Variants in NPHS1 observed in about 807,000 individuals in gnomAD.
The protein encoded by NPHS1 is nephrin.
NPHS1 carries 107 observed loss-of-function variants against 139.7 expected under a neutral mutation model. The observed-to-expected ratio is 0.77, with a 90% confidence interval of 0.66 to 0.90. The LOEUF (loss-of-function observed/expected upper bound fraction) is 0.90. Among genes scored for constraint, NPHS1 ranks in the 40% least tolerant of loss-of-function variants. The probability of loss-of-function intolerance (pLI) is 0.00; values close to 1 mark genes in which losing one functional copy is unlikely to be tolerated. For missense variants in NPHS1, 1,580 were observed against 1,654.2 expected (o/e 0.96, Z 0.78); for synonymous variants, 707 against 706.6 (o/e 1.00, Z -0.01).
chr19:35,837,026 A>AAAAGAAAG (rs201666209), intron 22 of NPHS1, among the ~76,000 whole-genome samples: 11,406 of 131,666 alleles, frequency 0.087, 537 homozygotes, highest in Non-Finnish European at 0.1. Flanking sequence ...AAAAGAAAAG[A>AAAAGAAAG]AAAGAAAGAA....
chr19:35,847,456 G>C (rs1031049882), intron 11 of NPHS1, among the ~76,000 whole-genome samples: 10 of 141,452 alleles, frequency 7.1e-5, no homozygotes, highest in Non-Finnish European at 1.5e-4. Flanking sequence ...CCGGATTCAA[G>C]CAATTCTCCA....
At position 35,844,172 on chromosome 19, in the gene NPHS1, C is replaced by G; in HGVS notation, c.2143G>C (p.Gly715Arg). Reference protein sequence around the residue: ...HLWNVTRADDGLYQLHCQNSE... With the variant: ...HLWNVTRADDRLYQLHCQNSE... ...TTCTGGCAGTGCAGCTGATAGAGGC[C>G]GTCGTCCGCGCGGGTCACATTCCAC... The change falls in exon 16 of 29, where the codon GGC becomes CGC. Residue 715 changes from glycine (G) to arginine (R), a missense_variant. Coordinates refer to ENST00000378910, the MANE Select transcript of NPHS1 (RefSeq NM_004646.4). The G allele has an allele frequency of 1.9e-6, 3 of 1,611,046 alleles. No homozygotes were observed. Among genetic ancestry groups the G allele is most frequent in the South Asian group, 1.1e-5 (1 of 91,062 alleles).
Position 35,848,695 on chromosome 19 carries a change from A to C in NPHS1, c.1112T>G (p.Leu371Arg). 1 of 1,614,170 alleles carries C rather than the reference A, an allele frequency of 6.2e-7. No individual in the cohort carries two copies. The highest frequency in any genetic ancestry group is 8.5e-7 in the Non-Finnish European group (1 of 1,180,036). Residue 371 changes from leucine to arginine, a missense_variant, in exon 9 of 29, where the codon CTG becomes CGG. Leu to Arg is a moderately radical substitution (Grantham distance 102, BLOSUM62 -2). Coordinates refer to ENST00000378910, the MANE Select transcript of NPHS1 (RefSeq NM_004646.4). ...CVSKSSRPRV[L>R]LRWWLGWRQL... ...CCGCCAGCCCAGCCACCATCGTAGC[A>C]GAACCCGCGGGCGACTGGACTTGCT...
Position 35,846,158 on chromosome 19 carries a change from C to A in NPHS1, c.1477G>T (p.Glu493Ter). 6.3e-7 allele frequency: 1 copy of A among 1,595,258 alleles called. No homozygotes were observed. Among genetic ancestry groups the A allele is most frequent in the East Asian group, 2.3e-5 (1 of 43,834 alleles). ...CTGCCGAGATGCACGCGCCGCGACT[C>A]CTGCGGCAGCCGCGACTCGGTCACG... ...RTVTESRLPQESRRVHLGSVE... is the reference protein window; with the variant it reads ...RTVTESRLPQ Residue 493 changes from glutamate (E) to a stop codon, truncating the protein, a stop_gained, in exon 12 of 29, where the codon GAG (glutamate) becomes TAG (stop). Coordinates refer to ENST00000378910, the MANE Select transcript of NPHS1 (RefSeq NM_004646.4). LOFTEE classifies it high-confidence loss of function.
chr19:35,842,334 G>A (rs745535478), intron 18 of NPHS1, 45 bp downstream of exon 18: 3 of 1,612,790 alleles, frequency 1.9e-6, no homozygotes, highest in Non-Finnish European at 1.7e-6. Flanking sequence ...GAGGGCTGTG[G>A]GTTCAGTGGC....
chr19:35,851,597 T>TC lies in NPHS1; in HGVS notation c.133dup (p.Glu45GlyfsTer47). 6.2e-7 allele frequency: 1 copy of TC among 1,613,896 alleles called. No homozygotes were observed. The stretch of plus-strand genomic sequence containing the variant: ...ACAACGCAGCTCCACTGAGGCCCCC[T>TC]CCACCACCGTCAGGTTTTCAGGCAG... On this transcript the variant is annotated frameshift_variant, in exon 2 of 29. Coordinates refer to ENST00000378910, the MANE Select transcript of NPHS1 (RefSeq NM_004646.4). LOFTEE classifies it high-confidence loss of function.
intron 22 of NPHS1, 58 bp from the exon 23 acceptor site, chr19:35,835,819 A>G (rs954271689): frequency 3.1e-5 from 45 of 1,461,188 alleles, no homozygotes; most frequent in Non-Finnish European, 4.2e-5. Flanking sequence ...TAAGCTTTAA[A>G]TATTTCTCAG....
intron 4 of NPHS1, 77 bp downstream of exon 4, chr19:35,850,884 T>C: frequency 6.4e-7 from 1 of 1,565,866 alleles, no homozygotes; most frequent in South Asian, 1.1e-5. Context: ...CTTAGAAGGG[T>C]ACTGGTCAGG....
intron 28 of NPHS1, among the ~76,000 whole-genome samples, chr19:35,828,163 G>A (rs1282370757): frequency 6.6e-6 from 1 of 152,184 alleles, no homozygotes; most frequent in Non-Finnish European, 1.5e-5. Flanking sequence ...GATTATTTTA[G>A]TTCAGCAAAC....
Position 35,852,168 on chromosome 19 carries a change from A to C in NPHS1, c.-331T>G, listed in dbSNP as rs2146834791. ...GATCTCAGACTCTTTCCTTCAAGCC[A>C]TCCTCCCACCTTGGCCTCCCCAAGT... is the stretch of plus-strand genomic sequence containing the variant. On this transcript the variant is annotated 5_prime_UTR_variant, in exon 1 of 29. An upstream start codon of the reference 5' UTR is lost. Coordinates refer to ENST00000378910, the MANE Select transcript of NPHS1 (RefSeq NM_004646.4). Among the ~76,000 whole-genome samples the C allele has an allele frequency of 7.0e-6, 1 of 142,836 alleles. No homozygotes were observed. The highest frequency in any genetic ancestry group is 2.2e-4 in the South Asian group (1 of 4,618). The allele number at this position is 142,836 out of a possible 152,430, so 93.7% of individuals were successfully genotyped here. A position where few individuals can be genotyped will look rare whatever the true frequency, so the allele number is the denominator to read the frequency against.
Position 35,826,413 on chromosome 19 carries a change from T to G in NPHS1, c.*101A>C. 4.9e-6 allele frequency: 7 copies of G among 1,430,444 alleles called. No homozygotes were observed. Among genetic ancestry groups the G allele is most frequent in the Non-Finnish European group, 5.9e-6 (6 of 1,018,278 alleles). 88.6% of individuals were successfully genotyped at this position (1,430,444 alleles called of 1,614,324 possible). On this transcript the variant is annotated 3_prime_UTR_variant, in exon 29 of 29. Transcript: ENST00000378910. Reference sequence around the variant, plus strand: ...TCTCCTGACACCAAGTCCCTTTGGGTTTTATGGAGCTCACCTAACCAGCTC... The same window carrying G: ...TCTCCTGACACCAAGTCCCTTTGGGGTTTATGGAGCTCACCTAACCAGCTC...
rs1255624405 is a variant in NPHS1, at chr19:35,845,308, C to T, written c.1930+60G>A. 3 of 1,568,532 alleles carry T rather than the reference C, an allele frequency of 1.9e-6. No individual in the cohort carries two copies. The highest frequency in any genetic ancestry group is 2.6e-6 in the Non-Finnish European group (3 of 1,139,168). On this transcript the variant is annotated intron_variant, in intron 14 of 28. Coordinates refer to ENST00000378910, the MANE Select transcript of NPHS1 (RefSeq NM_004646.4). This position sits in a 1 kb window ranked among gnomAD's most constrained non-coding sequence, Gnocchi z 5.5. ...AAAAAGAAGGAAAAAAAGGTAAGAC[C>T]CAAGGAGTAGTTTAGGGTCAAGAAG... is the stretch of plus-strand genomic sequence containing the variant.
At position 35,831,116 on chromosome 19, in the gene NPHS1, G is replaced by A. The variant is rs143092783; in HGVS notation, c.3418C>T (p.Arg1140Cys). ...TGGGGGCTGAAGTCCCTCAGGGAGC[G>A]GTAATACGGCTCTGCCTCTGTTGTG... is the stretch of plus-strand genomic sequence containing the variant. ...VSTTEAEPYY[R>C]SLRDFSPQLP... is the part of the protein sequence containing the mutation. Residue 1140 changes from arginine to cysteine, a missense_variant, in exon 27 of 29, where the codon CGC (arginine) becomes TGC (cysteine). Coordinates refer to ENST00000378910, the MANE Select transcript of NPHS1 (RefSeq NM_004646.4). The A allele has an allele frequency of 9.6e-5, 155 of 1,613,828 alleles. No individual in the cohort carries two copies. The highest frequency in any genetic ancestry group is 5.0e-4 in the Middle Eastern group (3 of 6,032).
intron 8 of NPHS1, 89 bp from the exon 9 acceptor site, chr19:35,848,883 A>G: frequency 6.2e-7 from 1 of 1,610,422 alleles, no homozygotes. Flanking sequence ...AGATGCTGAG[A>G]TCTTTGGCAT....
At chr19:35,846,253 AC>A (rs1973140512) in intron 11 of NPHS1, 59 bp from the exon 12 acceptor site, 3 of 1,513,024 alleles carry the variant, frequency 2.0e-6, no homozygotes, top group South Asian at 2.4e-5. Context: ...CCAACCCCCA[AC>A]CCCCCTACCC....
rs144398621 is a variant in NPHS1, at chr19:35,849,563, G to A, written c.699C>T (p.Thr233=). The change falls in exon 6 of 29, where the codon ACC becomes ACT. Residue 233 remains threonine, a synonymous_variant. Transcript: ENST00000378910. ...ALEAPIKASF[T]VNVLFPPGPP... ...TTCTCCACTTACACAGAACATTCAC[G>A]GTGAATGAGGCCTTGATGGGGGCCT... The A allele has an allele frequency of 1.2e-4, 192 of 1,613,448 alleles. 1 individual carries two copies. The African/African-American group carries it at 1.3e-3, about 11-fold the overall frequency.
intron 23 of NPHS1, 95 bp from the exon 24 acceptor site, chr19:35,831,857 T>C: frequency 3.0e-6 from 4 of 1,318,168 alleles, no homozygotes; most frequent in Non-Finnish European, 4.2e-6. Flanking sequence ...ACCAAGTCCC[T>C]CCCCCAGGGT....
chr19:35,841,653 A>G (rs941589730), intron 20 of NPHS1, 62 bp downstream of exon 20: 11 of 1,594,238 alleles, frequency 6.9e-6, no homozygotes, highest in Non-Finnish European at 9.5e-6. Flanking sequence ...AGGGCCAATC[A>G]GGGATGTGGG....
rs373931233 is a variant in NPHS1 at position 35,831,316 on chromosome 19, G to A, written c.3367C>T (p.Arg1123Trp). ...EYEESQWTGERDTQSSTVSTT... is the reference protein window; with the variant it reads ...EYEESQWTGEWDTQSSTVSTT... The stretch of plus-strand genomic sequence containing the variant: ...CTTACCGTGGAGCTCTGAGTGTCCC[G>A]CTCTCCTGTCCACTGGCTCTCCTCA... The change falls in exon 26 of 29, where the codon CGG becomes TGG. Residue 1123 changes from arginine (R) to tryptophan (W), a missense_variant. Physicochemically the swap from Arg to Trp is moderately radical, Grantham distance 101. Coordinates refer to ENST00000378910, the MANE Select transcript of NPHS1 (RefSeq NM_004646.4). 2.5e-6 allele frequency: 4 copies of A among 1,613,984 alleles called. No homozygotes were observed. Among genetic ancestry groups the A allele is most frequent in the Non-Finnish European group, 2.5e-6 (3 of 1,179,996 alleles).
Sources: allele counts gnomAD v4.1 joint callset (sites outside exome capture counted in the v4.1 genomes callset), GRCh38; gene constraint gnomAD v4.1.1; non-coding constraint Gnocchi (gnomAD v3.1); transcripts MANE v1.5; gene names NCBI Gene and HGNC (gene_info 2026-07-23, HGNC 2026-07-21).